The following SLC2A13 variants were observed in gnomAD, a reference collection of about 807,000 sequenced individuals.
SLC2A13 encodes solute carrier family 2 member 13, also known as proton myo-inositol cotransporter.
SLC2A13 carries 32 observed loss-of-function variants against 64.4 expected under a neutral mutation model. The observed-to-expected ratio is 0.50, with a 90% CI of 0.37 to 0.67. The LOEUF (loss-of-function observed/expected upper bound fraction) is 0.67. SLC2A13 is among the 30% of genes least tolerant of loss of function. The pLI, the probability that SLC2A13 is intolerant of heterozygous loss-of-function variation, is 0.00. For missense variants in SLC2A13, 743 were observed against 829.2 expected, an observed-to-expected ratio of 0.90 and a Z score of 1.28; for synonymous variants, 338 against 327.1, an observed-to-expected ratio of 1.03 and a Z score of -0.36.
At chr12:39,819,959 C>T (rs78036400) in intron 7 of SLC2A13, 2,295 of 152,330 alleles carry the variant, frequency 0.015, 26 homozygotes, top group Middle Eastern at 0.024. Context: ...AACTCTTTAT[C>T]TTTGCAGGTA....
intron 1 of SLC2A13, among the ~76,000 whole-genome samples, chr12:40,100,816 T>C (rs1939117885): frequency 6.6e-6 from 1 of 151,628 alleles, no homozygotes; most frequent in Non-Finnish European, 1.5e-5. Flanking sequence ...ATACAAAAAT[T>C]AGCTGGGTGT....
chr12:40,004,627 T>TC (rs1194706630), intron 3 of SLC2A13, among the ~76,000 whole-genome samples: 23 of 151,572 alleles, frequency 1.5e-4, no homozygotes, highest in Admixed American at 9.8e-4. Flanking sequence ...TTTTTTTTTT[T>TC]CACAGTTCTA....
chr12:39,941,088 T>C (rs1383878016), intron 4 of SLC2A13, among the ~76,000 whole-genome samples: 4 of 150,886 alleles, frequency 2.7e-5, no homozygotes, highest in African/African-American at 9.8e-5. Context: ...TATATATGAT[T>C]CATTCCTTTT....
intron 4 of SLC2A13, among the ~76,000 whole-genome samples, chr12:39,880,916 G>A (rs749180325): frequency 6.6e-5 from 10 of 152,124 alleles, no homozygotes; most frequent in Admixed American, 3.3e-4. Context: ...CTATTAATTC[G>A]TTCTATAAAA....
At chr12:40,030,194 T>A (rs28370682) in intron 2 of SLC2A13, among the ~76,000 whole-genome samples, 4,336 of 152,288 alleles carry the variant, frequency 0.028, 177 homozygotes, top group Admixed American at 0.11. Flanking sequence ...ACTTGCTCAG[T>A]AATTCCTTCC....
chr12:39,892,743 A>C (rs1944644905), intron 4 of SLC2A13, among the ~76,000 whole-genome samples: 1 of 152,168 alleles, frequency 6.6e-6, no homozygotes, highest in South Asian at 2.1e-4. Context: ...ATTTGTTCCA[A>C]AGTAGTGACA....
chr12:39,869,819 C>T (rs1447668915), intron 5 of SLC2A13, among the ~76,000 whole-genome samples: 1 of 152,178 alleles, frequency 6.6e-6, no homozygotes, highest in Admixed American at 6.5e-5. Context: ...GCAACAAAGG[C>T]TCACTCTTTG....
At chr12:39,926,082 A>G (rs1037257019) in intron 4 of SLC2A13, among the ~76,000 whole-genome samples, 2 of 152,188 alleles carry the variant, frequency 1.3e-5, no homozygotes, top group African/African-American at 4.8e-5. Context: ...ATAACACTGA[A>G]GCAAAGATTA....
chr12:39,900,235 T>C (rs1400694690), intron 4 of SLC2A13, among the ~76,000 whole-genome samples: 2 of 152,058 alleles, frequency 1.3e-5, no homozygotes, highest in Non-Finnish European at 2.9e-5. Context: ...GCCAATATCA[T>C]ACTGAATGGG....
At chr12:40,047,967 A>G in intron 2 of SLC2A13, 84 bp downstream of exon 2, 1 of 1,289,618 alleles carries the variant, frequency 7.8e-7, no homozygotes, top group Admixed American at 2.3e-5. Context: ...ACACACAGCT[A>G]TATTTTGACT....
intron 3 of SLC2A13, among the ~76,000 whole-genome samples, chr12:39,981,470 A>G (rs1226617464): frequency 2.0e-5 from 3 of 151,538 alleles, no homozygotes; most frequent in African/African-American, 7.3e-5. Context: ...TCAAATGGAC[A>G]CAATAAAAAA....
intron 1 of SLC2A13, among the ~76,000 whole-genome samples, chr12:40,079,513 TTATGGCCAAATG>T (rs1273117231): frequency 6.6e-6 from 1 of 152,210 alleles, no homozygotes; most frequent in Non-Finnish European, 1.5e-5. Flanking sequence ...GAGAATTGCT[TTATGGCCAAATG>T]TGTGGTCAAT....
chr12:39,856,958 A>G (rs1943624669), intron 6 of SLC2A13, among the ~76,000 whole-genome samples: 1 of 152,194 alleles, frequency 6.6e-6, no homozygotes, highest in Admixed American at 6.5e-5. Flanking sequence ...CGCTGATTCC[A>G]GTCAATTGCT....
intron 4 of SLC2A13, among the ~76,000 whole-genome samples, chr12:39,898,426 A>G (rs1944985560): frequency 6.6e-6 from 1 of 152,158 alleles, no homozygotes; most frequent in Non-Finnish European, 1.5e-5. Flanking sequence ...AAGTAAAATA[A>G]CCAGTGTTTG....
intron 6 of SLC2A13, among the ~76,000 whole-genome samples, chr12:39,833,723 A>G (rs548185963): frequency 2.6e-4 from 39 of 152,082 alleles, no homozygotes; most frequent in African/African-American, 9.2e-4. Context: ...TAATAGATAG[A>G]TTTCCCAAAC....
Position 40,105,328 on chromosome 12 carries a change from C to T in SLC2A13, c.481G>A (p.Gly161Ser). The T allele has an allele frequency of 6.3e-7, 1 of 1,598,466 alleles. No individual in the cohort carries two copies. The highest frequency in any genetic ancestry group is 8.5e-7 in the Non-Finnish European group (1 of 1,174,088). ...ILLASALFTA[G>S]SAVLAAANNK... ...TTGGCCGCAGCCAGCACCGCGGAGC[C>T]GGCGGTGAAGAGGGCACTGGCCAGG... Residue 161 changes from glycine (G) to serine (S), a missense_variant, in exon 1 of 10, where the codon GGC (glycine) becomes AGC (serine). This residue lies in a region of SLC2A13 where 448 missense variants were observed against 447.4 expected (regional missense o/e 1.00). Coordinates refer to ENST00000280871, the MANE Select transcript of SLC2A13 (RefSeq NM_052885.4). This position sits in a 1 kb window ranked among gnomAD's most constrained non-coding sequence, Gnocchi z 4.2.
chr12:40,048,218 A>G lies in SLC2A13; in HGVS notation c.557-8T>C. The G allele has an allele frequency of 6.3e-7, 1 of 1,585,484 alleles. No homozygotes were observed. Among genetic ancestry groups the G allele is most frequent in the Non-Finnish European group, 8.5e-7 (1 of 1,171,870 alleles). On this transcript the variant is annotated splice_region_variant and splice_polypyrimidine_tract_variant and intron_variant, in intron 1 of 9. Transcript: ENST00000280871. ...CTGTCATAGAAGCAATGCCTATAAA[A>G]ACAATGAAAAGTAAATGTGAGACAT... is the stretch of plus-strand genomic sequence containing the variant.
At chr12:39,973,165 A>C (rs747221473) in intron 3 of SLC2A13, among the ~76,000 whole-genome samples, 2 of 152,116 alleles carry the variant, frequency 1.3e-5, no homozygotes, top group South Asian at 2.1e-4. Flanking sequence ...CCTCTCCACA[A>C]ATTCACTGAA....
At chr12:40,082,895 A>T (rs561036588) in intron 1 of SLC2A13, among the ~76,000 whole-genome samples, 1 of 152,220 alleles carries the variant, frequency 6.6e-6, no homozygotes, top group East Asian at 1.9e-4. Flanking sequence ...GGTGCTCAGC[A>T]ACTCCATGCA....
Sources: gnomAD v4.1 joint callset for allele counts (sites outside exome capture counted in the v4.1 genomes callset) on GRCh38, gnomAD v4.1.1 for gene constraint, gnomAD v4.1.1 regional missense constraint, Gnocchi (gnomAD v3.1) non-coding constraint, MANE v1.5 for transcripts, NCBI Gene and HGNC (gene_info 2026-07-23, HGNC 2026-07-21) for gene names.